The following TULP4 variants were observed in gnomAD, a reference collection of about 807,000 sequenced individuals.
TULP4 encodes TUB like protein 4, also known as tubby-related protein 4.
TULP4 carries 16 observed loss-of-function variants against 129.0 expected under a neutral mutation model. The observed-to-expected ratio is 0.12, with a 90% confidence interval of 0.08 to 0.19. The LOEUF (loss-of-function observed/expected upper bound fraction) is 0.19, where lower values mean the gene tolerates loss of function less well. TULP4 is among the 10% of genes least tolerant of loss of function. The pLI, the probability that TULP4 is intolerant of heterozygous loss-of-function variation, is 1.00. For missense variants in TULP4, 1,842 were observed against 2,059.1 expected (o/e 0.89, Z 2.04); for synonymous variants, 998 against 854.0 (o/e 1.17, Z -2.94).
chr6:158,428,546 G>A (rs1428739300), intron 2 of TULP4, among the ~76,000 whole-genome samples: 2 of 152,068 alleles, frequency 1.3e-5, no homozygotes, highest in East Asian at 3.8e-4. Flanking sequence ...AGGGAAAAAT[G>A]TGGTCATTTG....
rs1379804001 is a variant in TULP4, at chr6:158,385,844, T to TTTTG, written c.253-27218_253-27217insGTTT. On this transcript the variant is annotated intron_variant, in intron 1 of 13. Transcript: ENST00000367097. ...AAAAGTCTACAAATGTGGAATATCT[T>TTTTG]TTTTTTTTTTTTTTTTTTGAGAAAA... Among the ~76,000 whole-genome samples the TTTTG allele has an allele frequency of 1.6e-5, 2 of 127,500 alleles. 1 individual carries two copies. The highest frequency in any genetic ancestry group is 3.3e-5 in the Non-Finnish European group (2 of 60,984). 83.6% of individuals were successfully genotyped at this position (127,500 alleles called of 152,430 possible).
intron 5 of TULP4, among the ~76,000 whole-genome samples, chr6:158,456,434 A>G (rs1254600864): frequency 1.3e-5 from 2 of 152,194 alleles, no homozygotes. Flanking sequence ...TCTTGTTAGT[A>G]TTCATGTATT....
chr6:158,335,423 G>C (rs1176914231), intron 1 of TULP4, among the ~76,000 whole-genome samples: 1 of 146,744 alleles, frequency 6.8e-6, no homozygotes, highest in Non-Finnish European at 1.5e-5. Context: ...GTTTCAGTTT[G>C]CTTTTAGTTT....
intron 2 of TULP4, among the ~76,000 whole-genome samples, chr6:158,425,051 G>A (rs1445295910): frequency 6.6e-6 from 1 of 150,690 alleles, no homozygotes; most frequent in Non-Finnish European, 1.5e-5. Flanking sequence ...CTACTCGGGA[G>A]GCTGAGGCAG....
At chr6:158,354,763 C>T (rs1014909925) in intron 1 of TULP4, among the ~76,000 whole-genome samples, 4 of 151,652 alleles carry the variant, frequency 2.6e-5, no homozygotes, top group South Asian at 2.1e-4. Flanking sequence ...TGGTGCACAC[C>T]TATAGTCCTG....
intron 1 of TULP4, among the ~76,000 whole-genome samples, chr6:158,360,647 G>A (rs1243942453): frequency 6.6e-6 from 1 of 152,186 alleles, no homozygotes; most frequent in Non-Finnish European, 1.5e-5. Flanking sequence ...TATTTGGCAG[G>A]TAATTGTTGC....
chr6:158,447,031 G>A (rs1383677517), intron 3 of TULP4, among the ~76,000 whole-genome samples: 2 of 152,182 alleles, frequency 1.3e-5, no homozygotes, highest in Non-Finnish European at 1.5e-5. Flanking sequence ...AGTTTATAGT[G>A]TAACTAGGGG....
chr6:158,433,625 T>C (rs1230902102), intron 3 of TULP4, among the ~76,000 whole-genome samples: 1 of 152,150 alleles, frequency 6.6e-6, no homozygotes, highest in Non-Finnish European at 1.5e-5. Flanking sequence ...GCAGGAGAAT[T>C]ACTTGAACCC....
chr6:158,421,438 A>G (rs1460278942), intron 2 of TULP4, among the ~76,000 whole-genome samples: 2 of 151,994 alleles, frequency 1.3e-5, no homozygotes, highest in African/African-American at 4.8e-5. Context: ...GTTCCAGGCT[A>G]TGGTGAATTT....
intron 1 of TULP4, among the ~76,000 whole-genome samples, chr6:158,328,255 C>T (rs1199550005): frequency 6.6e-6 from 1 of 151,994 alleles, no homozygotes; most frequent in Non-Finnish European, 1.5e-5. Context: ...ATAGCTCACT[C>T]AGTCCTCACA....
chr6:158,316,693 A>C (rs1421081800), intron 1 of TULP4, among the ~76,000 whole-genome samples: 1 of 152,096 alleles, frequency 6.6e-6, no homozygotes, highest in African/African-American at 2.4e-5. Flanking sequence ...ACAGTTCTGT[A>C]GTTCTGAAGC....
At chr6:158,425,153 CAAAAAAAAAAAAAAA>C (rs562712423) in intron 2 of TULP4, among the ~76,000 whole-genome samples, 10 of 39,806 alleles carry the variant, frequency 2.5e-4, no homozygotes, top group Admixed American at 1.9e-3. Flanking sequence ...GACACCATCT[CAAAAAAAAAAAAAAA>C]AAAAAAAAAA....
chr6:158,452,216 A>G lies in TULP4; in HGVS notation c.807A>G (p.Leu269=), dbSNP rs757797715. ...GCTTCACCTCGGGAGACATCAGCTT[A>G]ATGAACAACTACGATGACTTGTCTC... is the stretch of plus-strand genomic sequence containing the variant. ...TVSFTSGDIS[L]MNNYDDLSPT... is the part of the protein sequence containing the mutation. The change falls in exon 5 of 14, where the codon TTA becomes TTG. Residue 269 remains leucine (L), a synonymous_variant. Transcript: ENST00000367097. 11 of 1,614,196 alleles carry G rather than the reference A, an allele frequency of 6.8e-6. No homozygotes were observed. The Admixed American group carries it at 1.7e-4, about 24-fold the overall frequency.
intron 11 of TULP4, among the ~76,000 whole-genome samples, chr6:158,498,252 A>G (rs1157395253): frequency 1.3e-5 from 2 of 152,244 alleles, no homozygotes; most frequent in Admixed American, 1.3e-4. Flanking sequence ...TGGTTGCCCA[A>G]GCTTCCCTTG....
In TULP4 at chr6:158,262,955, C is replaced by T. The variant is rs935168808; in HGVS notation, n.68+30652C>T. The stretch of plus-strand genomic sequence containing the variant: ...CAAGTCATTTCTCTCTGGGACCCGT[C>T]ATCATCACTCATAATAATACCATAT... On this transcript the variant is annotated intron_variant and non_coding_transcript_variant, in intron 1 of 1. Coordinates refer to the TULP4 transcript ENST00000620026. 2.0e-4 allele frequency among the ~76,000 whole-genome samples: 14 copies of T among 70,660 alleles called. No homozygotes were observed. The East Asian group carries it at 3.6e-3, about 18-fold the overall frequency. The allele number at this position is 70,660 out of a possible 152,430, so 46.4% of individuals were successfully genotyped here.
chr6:158,452,026 C>G (rs1255356373), intron 4 of TULP4, 108 bp from the exon 5 acceptor site: 1 of 1,514,140 alleles, frequency 6.6e-7, no homozygotes, highest in East Asian at 2.3e-5. Flanking sequence ...AGAGTAGGAT[C>G]TGCATTGTCA....
At chr6:158,384,493 T>A (rs180763013) in intron 1 of TULP4, among the ~76,000 whole-genome samples, 13 of 152,248 alleles carry the variant, frequency 8.5e-5, no homozygotes, top group African/African-American at 2.9e-4. Flanking sequence ...TTTCACTGTG[T>A]TAGCCAGGAT....
At chr6:158,242,297 A>G (rs1777937778) in intron 1 of TULP4, 2 of 1,560,238 alleles carry the variant, frequency 1.3e-6, no homozygotes, top group African/African-American at 1.4e-5. Flanking sequence ...AGCACAGCTC[A>G]TGTGTGCCTT....
chr6:158,503,406 G>A lies in TULP4; in HGVS notation c.3743G>A (p.Ser1248Asn). ...CTLPPMYPGS[S>N]TCSSLQLPPV... ...CTGCCCCCCATGTACCCAGGAAGCA[G>A]CACGTGCTCTAGTTTACAGCTGCCA... Residue 1248 changes from serine (S) to asparagine (N), a missense_variant, in exon 13 of 14, where the codon AGC becomes AAC. Transcript: ENST00000367097. This position sits in a 1 kb window ranked among gnomAD's most constrained non-coding sequence, Gnocchi z 4.3. The A allele has an allele frequency of 6.2e-7, 1 of 1,613,952 alleles. No individual in the cohort carries two copies. The highest frequency in any genetic ancestry group is 8.5e-7 in the Non-Finnish European group (1 of 1,180,022).
Sources: gnomAD v4.1 joint callset for allele counts (sites outside exome capture counted in the v4.1 genomes callset) on GRCh38, gnomAD v4.1.1 for gene constraint, Gnocchi (gnomAD v3.1) non-coding constraint, MANE v1.5 for transcripts, NCBI Gene and HGNC (gene_info 2026-07-23, HGNC 2026-07-21) for gene names.